The following DLGAP2 variants were observed in gnomAD, a reference collection of about 807,000 sequenced individuals.
The protein encoded by DLGAP2 is disks large-associated protein 2.
A neutral mutation model predicts 100.3 loss-of-function variants in DLGAP2; 26 were observed. The observed-to-expected ratio is 0.26, with a 90% confidence interval of 0.19 to 0.36. The LOEUF (loss-of-function observed/expected upper bound fraction) is 0.36. DLGAP2 is among the 10% of genes least tolerant of loss of function. DLGAP2 has a pLI of 1.00. For missense variants in DLGAP2, 1,858 were observed against 1,453.2 expected (o/e 1.28, Z -4.53); for synonymous variants, 886 against 630.1 (o/e 1.41, Z -6.08).
chr8:1,130,640 A>T (rs1032881373), intron 2 of DLGAP2, among the ~76,000 whole-genome samples: 4 of 152,242 alleles, frequency 2.6e-5, no homozygotes, highest in African/African-American at 9.6e-5. Context: ...AAAGCGTGGC[A>T]CGGACCAGAG....
intron 2 of DLGAP2, among the ~76,000 whole-genome samples, chr8:1,012,948 C>T (rs1801339913): frequency 6.6e-6 from 1 of 152,156 alleles, no homozygotes; most frequent in South Asian, 2.1e-4. Context: ...TCTCTGCAAA[C>T]AGAGGGGGTC....
intron 3 of DLGAP2, among the ~76,000 whole-genome samples, chr8:1,474,355 G>T (rs533697998): frequency 6.6e-6 from 1 of 152,168 alleles, no homozygotes; most frequent in Non-Finnish European, 1.5e-5. Context: ...GTGTGCAAGT[G>T]TCTTTTTCAT....
intron 4 of DLGAP2, among the ~76,000 whole-genome samples, chr8:1,539,789 C>T (rs948017954): frequency 6.6e-6 from 1 of 152,194 alleles, no homozygotes; most frequent in Non-Finnish European, 1.5e-5. Context: ...ATGTGTGACA[C>T]ACCTCAGAGC....
intron 1 of DLGAP2, among the ~76,000 whole-genome samples, chr8:813,158 G>T (rs1011361010): frequency 5.9e-5 from 9 of 151,774 alleles, no homozygotes; most frequent in African/African-American, 1.9e-4. Context: ...ACATAAAATT[G>T]CTATATTTTC....
chr8:1,087,561 T>C (rs1804016627), intron 2 of DLGAP2, among the ~76,000 whole-genome samples: 1 of 152,058 alleles, frequency 6.6e-6, no homozygotes, highest in African/African-American at 2.4e-5. Context: ...CTCTTTTTTT[T>C]TTTTTCATGT....
At chr8:1,079,979 G>A (rs1803748387) in intron 2 of DLGAP2, among the ~76,000 whole-genome samples, 1 of 152,210 alleles carries the variant, frequency 6.6e-6, no homozygotes, top group Admixed American at 6.5e-5. Flanking sequence ...CCTGGTGACT[G>A]TTGTTATTCT....
chr8:779,163 C>T (rs557105322), intron 1 of DLGAP2, among the ~76,000 whole-genome samples: 1 of 152,266 alleles, frequency 6.6e-6, no homozygotes, highest in East Asian at 1.9e-4. Flanking sequence ...ACGCCTTGCG[C>T]TTCCCGAGTG....
chr8:1,238,490 C>G (rs181696817), intron 2 of DLGAP2, among the ~76,000 whole-genome samples: 2 of 141,016 alleles, frequency 1.4e-5, no homozygotes, highest in Admixed American at 7.0e-5. Flanking sequence ...GTCTGCTTCT[C>G]TCACATGGCG....
chr8:1,386,388 G>T (rs557709477), intron 3 of DLGAP2, among the ~76,000 whole-genome samples: 1 of 152,184 alleles, frequency 6.6e-6, no homozygotes, highest in Non-Finnish European at 1.5e-5. Flanking sequence ...ATTGCCAGGG[G>T]AGCCTGTGAG....
intron 1 of DLGAP2, among the ~76,000 whole-genome samples, chr8:797,184 C>G (rs1427879087): frequency 6.6e-6 from 1 of 152,216 alleles, no homozygotes; most frequent in Non-Finnish European, 1.5e-5. Flanking sequence ...GTCCCGTCAT[C>G]TCCGAAAGTC....
At chr8:1,232,151 C>T (rs942658563) in intron 2 of DLGAP2, among the ~76,000 whole-genome samples, 8 of 152,300 alleles carry the variant, frequency 5.3e-5, no homozygotes, top group Admixed American at 3.9e-4. Flanking sequence ...GTCCCCTTCA[C>T]GACTGGGTGG....
At chr8:953,233 T>A (rs1412669816) in intron 2 of DLGAP2, among the ~76,000 whole-genome samples, 2 of 152,146 alleles carry the variant, frequency 1.3e-5, no homozygotes, top group Non-Finnish European at 2.9e-5. Flanking sequence ...TTCGCTCCAT[T>A]GCCCAGGCTG....
intron 1 of DLGAP2, among the ~76,000 whole-genome samples, chr8:776,552 C>G (rs1821521925): frequency 1.3e-5 from 2 of 152,154 alleles, no homozygotes; most frequent in African/African-American, 4.8e-5. Context: ...TATGTTTTGT[C>G]TTTGTTCTCT....
chr8:971,802 A>G lies in DLGAP2; in HGVS notation c.73+63836A>G, dbSNP rs150433053. ...CTTGGGTTTTATGGGATCCTAAGCA[A>G]TGAGAGTGAAGGGGAATTCTCAATT... is the stretch of plus-strand genomic sequence containing the variant. On this transcript the variant is annotated intron_variant, in intron 2 of 14. Transcript: ENST00000637795. 7.7e-4 allele frequency among the ~76,000 whole-genome samples: 117 copies of G among 152,292 alleles called. 1 individual carries two copies. The East Asian group carries it at 8.3e-3, about 11-fold the overall frequency.
intron 1 of DLGAP2, among the ~76,000 whole-genome samples, chr8:755,277 G>A (rs953573806): frequency 6.6e-6 from 1 of 152,034 alleles, no homozygotes; most frequent in Admixed American, 6.6e-5. Context: ...TGGGCAACGT[G>A]GCAAAACCTT....
chr8:1,381,567 G>C lies in DLGAP2; in HGVS notation c.107-119799G>C, dbSNP rs537974888. The stretch of plus-strand genomic sequence containing the variant: ...GACTTGAATTTATATCCTTTGGTTA[G>C]CATCTCCCCGTTCCGCTTTCCCTGG... On this transcript the variant is annotated intron_variant, in intron 3 of 14. Transcript: ENST00000637795. Among the ~76,000 whole-genome samples the C allele has an allele frequency of 3.9e-5, 6 of 152,248 alleles. No individual in the cohort carries two copies. The South Asian group carries it at 1.2e-3, about 32-fold the overall frequency.
chr8:1,578,848 C>G (rs1803104434), intron 6 of DLGAP2, among the ~76,000 whole-genome samples: 1 of 152,180 alleles, frequency 6.6e-6, no homozygotes, highest in African/African-American at 2.4e-5. Flanking sequence ...GGCCTTGTGT[C>G]CCCGATCGGG....
intron 2 of DLGAP2, among the ~76,000 whole-genome samples, chr8:987,876 A>G (rs1357195666): frequency 6.6e-6 from 1 of 151,960 alleles, no homozygotes; most frequent in East Asian, 1.9e-4. Context: ...TTAATTTCCA[A>G]CTCACCTAGG....
chr8:771,402 T>C (rs1026551749), intron 1 of DLGAP2, among the ~76,000 whole-genome samples: 1 of 152,210 alleles, frequency 6.6e-6, no homozygotes, highest in Non-Finnish European at 1.5e-5. Flanking sequence ...GAAAAACACT[T>C]TCAGAAACAC....
Sources: allele counts gnomAD v4.1 joint callset (sites outside exome capture counted in the v4.1 genomes callset), GRCh38; gene constraint gnomAD v4.1.1; transcripts MANE v1.5; gene names NCBI Gene and HGNC (gene_info 2026-07-23, HGNC 2026-07-21).